MSH3: variants seen among roughly 807,000 people sequenced by gnomAD.
MSH3 encodes the protein DNA mismatch repair protein Msh3.
Under a neutral mutation model 123.3 loss-of-function variants are expected in MSH3, and 106 were observed. That is an observed-to-expected ratio of 0.86 (90% CI 0.73 to 1.01). The LOEUF (loss-of-function observed/expected upper bound fraction) is 1.01, where lower values mean the gene tolerates loss of function less well. Ranked by LOEUF, MSH3 falls within the 50% of genes least tolerant of loss-of-function variation. The pLI is 0.00. For synonymous variants in MSH3, 515 were observed against 481.4 expected, an observed-to-expected ratio of 1.07 and a Z score of -0.91; for missense variants, 1,459 against 1,347.6, an observed-to-expected ratio of 1.08 and a Z score of -1.29.
chr5:80,708,496 C>T (rs573391504), intron 8 of MSH3, among the ~76,000 whole-genome samples: 16 of 151,648 alleles, frequency 1.1e-4, no homozygotes, highest in East Asian at 9.7e-4. Flanking sequence ...CTCGCTTTTT[C>T]GCCCAGGCTG....
intron 20 of MSH3, among the ~76,000 whole-genome samples, chr5:80,832,067 G>A (rs1745428844): frequency 1.3e-5 from 2 of 151,872 alleles, no homozygotes; most frequent in South Asian, 4.2e-4. Context: ...CTGAGATCGC[G>A]CCACTGCACT....
rs180985994 is a variant in MSH3 at position 80,827,000 on chromosome 5, A to C, written c.2813+13259A>C. Reference sequence around the variant, plus strand: ...TATGATATGTGTACTCATCGATGAAATATTTCTAGACCCATATTTCCAAGG... The same window carrying C: ...TATGATATGTGTACTCATCGATGAACTATTTCTAGACCCATATTTCCAAGG... On this transcript the variant is annotated intron_variant, in intron 20 of 23. Transcript: ENST00000265081. 1.2e-3 allele frequency among the ~76,000 whole-genome samples: 184 copies of C among 152,306 alleles called. 1 individual carries two copies. The highest frequency in any genetic ancestry group is 4.3e-3 in the African/African-American group (178 of 41,568).
intron 21 of MSH3, chr5:80,855,824 C>A: frequency 6.6e-6 from 1 of 151,418 alleles, no homozygotes. Flanking sequence ...TTGGCACAAC[C>A]GTTGTTGTTG....
At chr5:80,843,882 G>T (rs1041309423) in intron 20 of MSH3, among the ~76,000 whole-genome samples, 3 of 151,594 alleles carry the variant, frequency 2.0e-5, no homozygotes, top group Admixed American at 6.6e-5. Flanking sequence ...CTTTTTGAAG[G>T]ATTTTTTCTA....
intron 12 of MSH3, among the ~76,000 whole-genome samples, chr5:80,747,534 T>C (rs1281657894): frequency 6.6e-6 from 1 of 152,190 alleles, no homozygotes; most frequent in African/African-American, 2.4e-5. Flanking sequence ...ACTTTTATAC[T>C]CCTAATCTAT....
chr5:80,787,049 C>T (rs1744521293), intron 17 of MSH3, among the ~76,000 whole-genome samples: 1 of 150,934 alleles, frequency 6.6e-6, no homozygotes. Flanking sequence ...TTATTTTATG[C>T]CAACATTATA....
At chr5:80,859,706 TTCTC>T (rs199901182) in intron 21 of MSH3, among the ~76,000 whole-genome samples, 20 of 149,944 alleles carry the variant, frequency 1.3e-4, no homozygotes, top group Non-Finnish European at 2.7e-4. Context: ...TTATTTCATT[TTCTC>T]TCTTTTTTTT....
intron 3 of MSH3, among the ~76,000 whole-genome samples, chr5:80,669,716 G>C (rs1331753456): frequency 6.6e-6 from 1 of 152,178 alleles, no homozygotes; most frequent in Admixed American, 6.5e-5. Context: ...ACTCCTGAGA[G>C]AGAGCCAGAT....
intron 14 of MSH3, 58 bp from the exon 15 acceptor site, chr5:80,768,777 C>T (rs937706616): frequency 2.6e-5 from 37 of 1,409,040 alleles, no homozygotes; most frequent in Admixed American, 5.3e-5. Flanking sequence ...GAAAAATAAG[C>T]GATAACTGCT....
chr5:80,749,546 A>G (rs1223352085), intron 12 of MSH3, among the ~76,000 whole-genome samples: 1 of 152,176 alleles, frequency 6.6e-6, no homozygotes, highest in African/African-American at 2.4e-5. Flanking sequence ...CCTCACAGAT[A>G]CACCCAGGAA....
intron 8 of MSH3, among the ~76,000 whole-genome samples, chr5:80,692,672 A>G (rs1027196170): frequency 1.1e-5 from 1 of 90,546 alleles, no homozygotes; most frequent in African/African-American, 3.2e-5. Context: ...ACACATGTAT[A>G]TGTTTATGTT....
At chr5:80,718,968 T>C (rs1233695445) in intron 8 of MSH3, among the ~76,000 whole-genome samples, 2 of 152,194 alleles carry the variant, frequency 1.3e-5, no homozygotes, top group Non-Finnish European at 2.9e-5. Flanking sequence ...TCTAGGATCA[T>C]CTTAAACATT....
At chr5:80,769,044 T>A in intron 15 of MSH3, 41 bp downstream of exon 15, 1 of 1,540,918 alleles carries the variant, frequency 6.5e-7, no homozygotes, top group Non-Finnish European at 9.0e-7. Flanking sequence ...AGTTTTACTC[T>A]AGTAGAAAAG....
chr5:80,746,105 G>A (rs1022726511), intron 12 of MSH3, among the ~76,000 whole-genome samples: 1 of 152,002 alleles, frequency 6.6e-6, no homozygotes, highest in African/African-American at 2.4e-5. Flanking sequence ...AAAACGCACA[G>A]TACAGTTTTA....
At chr5:80,736,409 A>C (rs1743509051) in intron 10 of MSH3, among the ~76,000 whole-genome samples, 1 of 152,148 alleles carries the variant, frequency 6.6e-6, no homozygotes. Context: ...CGTAAACTTG[A>C]AAGAACATAA....
rs144285287 is a variant in MSH3 at position 80,777,746 on chromosome 5, A to G, written c.2319-974A>G. On this transcript the variant is annotated intron_variant, in intron 16 of 23. Transcript: ENST00000265081. ...GCAAAAGGCCCACCCCTAATCCAGCAACTTGGCAAATTAAAGTGCAACAGT... is the reference window on the plus strand; with the variant it reads ...GCAAAAGGCCCACCCCTAATCCAGCGACTTGGCAAATTAAAGTGCAACAGT... Among the ~76,000 whole-genome samples, 16 of 152,350 alleles carry G rather than the reference A, an allele frequency of 1.1e-4. No homozygotes were observed. In the East Asian group the frequency reaches 3.1e-3, roughly 29 times the overall value.
chr5:80,780,754 G>C (rs761109504), intron 17 of MSH3, among the ~76,000 whole-genome samples: 1 of 152,114 alleles, frequency 6.6e-6, no homozygotes, highest in Non-Finnish European at 1.5e-5. Context: ...GTAATCCCAC[G>C]TAACTCAGTA....
rs1580556440 is a variant in MSH3, at chr5:80,678,965, T to C, written c.1212T>C (p.Ser404=). The change falls in exon 8 of 24, where the codon AGT becomes AGC. Residue 404 remains serine (S), a synonymous_variant. Transcript: ENST00000265081. ...QPATGEVVFD[S]FQDSASRSEL... is the part of the protein sequence containing the mutation. ...CCACAGGCGAGGTTGTGTTTGATAG[T>C]TTCCAGGACTCTGCTTCTCGTTCAG... 11 of 1,614,188 alleles carry C rather than the reference T, an allele frequency of 6.8e-6. No homozygotes were observed. The highest frequency in any genetic ancestry group is 9.3e-6 in the Non-Finnish European group (11 of 1,180,010).
chr5:80,788,434 CTG>C (rs924554471), intron 18 of MSH3, among the ~76,000 whole-genome samples: 2 of 151,888 alleles, frequency 1.3e-5, no homozygotes, highest in Non-Finnish European at 2.9e-5. Context: ...GAGTGAGACT[CTG>C]TCTCAAAAAA....
Sources: gnomAD v4.1 joint callset for allele counts (sites outside exome capture counted in the v4.1 genomes callset) on GRCh38, gnomAD v4.1.1 for gene constraint, MANE v1.5 for transcripts, NCBI Gene and HGNC (gene_info 2026-07-23, HGNC 2026-07-21) for gene names.